MACC1: variants seen among roughly 807,000 people sequenced by gnomAD.
MACC1 encodes the protein MET transcriptional regulator MACC1.
MACC1 carries 79 observed loss-of-function variants against 70.7 expected under a neutral mutation model. The ratio of observed to expected loss-of-function variants is 1.12; its 90% CI spans 0.93 to 1.35. The LOEUF is 1.35. MACC1 is among the 40% of genes most tolerant of loss of function. The pLI is 0.00. For missense variants in MACC1, 1,106 were observed against 978.1 expected (o/e 1.13, Z -1.74); for synonymous variants, 361 against 347.2 (o/e 1.04, Z -0.44).
At chr7:20,196,500 A>G (rs1470089449) in intron 1 of MACC1, among the ~76,000 whole-genome samples, 6 of 152,100 alleles carry the variant, frequency 3.9e-5, no homozygotes, top group Non-Finnish European at 2.9e-5. Context: ...TTTATTGACT[A>G]TATACTTTTG....
intron 2 of MACC1, among the ~76,000 whole-genome samples, chr7:20,166,412 T>A (rs1782219337): frequency 6.6e-6 from 1 of 152,204 alleles, no homozygotes; most frequent in African/African-American, 2.4e-5. Context: ...GGTATGATTT[T>A]ACTGGACATT....
rs201685287 is a variant in MACC1 at position 20,189,761 on chromosome 7, A to G, written c.-217-18983T>C. Reference sequence around the variant, plus strand: ...TACACAAACACATAAACACACACACACACACACACACACATACACAGAGAG... The same window carrying G: ...TACACAAACACATAAACACACACACGCACACACACACACATACACAGAGAG... On this transcript the variant is annotated intron_variant, in intron 1 of 6. Transcript: ENST00000400331. Among the ~76,000 whole-genome samples, 39 of 152,076 alleles carry G rather than the reference A, an allele frequency of 2.6e-4. No individual in the cohort carries two copies. The East Asian group carries it at 7.1e-3, about 28-fold the overall frequency.
chr7:20,200,158 T>C (rs902455721), intron 1 of MACC1, among the ~76,000 whole-genome samples: 1 of 151,948 alleles, frequency 6.6e-6, no homozygotes, highest in African/African-American at 2.4e-5. Context: ...TGTGTGGGAA[T>C]AACAGTTTTA....
At chr7:20,151,001 T>C (rs1781967618) in intron 6 of MACC1, among the ~76,000 whole-genome samples, 1 of 151,408 alleles carries the variant, frequency 6.6e-6, no homozygotes, top group African/African-American at 2.4e-5. Flanking sequence ...AGAGCTGAGA[T>C]TGTGCCATTG....
chr7:20,149,665 G>C (rs759603258), intron 6 of MACC1, among the ~76,000 whole-genome samples: 4 of 151,906 alleles, frequency 2.6e-5, no homozygotes, highest in African/African-American at 7.3e-5. Flanking sequence ...ACATCACCCA[G>C]TAATTAGTAA....
intron 2 of MACC1, among the ~76,000 whole-genome samples, chr7:20,164,663 G>A (rs1422224874): frequency 1.3e-5 from 2 of 152,096 alleles, no homozygotes; most frequent in Non-Finnish European, 2.9e-5. Context: ...CAAATTTCCT[G>A]GCAGACCTTC....
intron 2 of MACC1, among the ~76,000 whole-genome samples, chr7:20,165,502 T>G (rs1202281531): frequency 6.7e-6 from 1 of 149,248 alleles, no homozygotes; most frequent in Non-Finnish European, 1.5e-5. Context: ...AAATCTAAAT[T>G]TTTTTCTATG....
chr7:20,166,948 G>A (rs1583392569), intron 2 of MACC1, among the ~76,000 whole-genome samples: 1 of 152,202 alleles, frequency 6.6e-6, no homozygotes, highest in Non-Finnish European at 1.5e-5. Flanking sequence ...GCTTAGTGAT[G>A]TAGTCAAGGA....
At chr7:20,189,865 T>C (rs185138150) in intron 1 of MACC1, among the ~76,000 whole-genome samples, 6 of 152,050 alleles carry the variant, frequency 3.9e-5, no homozygotes, top group Admixed American at 1.3e-4. Flanking sequence ...CTGAAAGGCT[T>C]AAACATTTTT....
At chr7:20,178,897 G>A (rs56212419) in intron 1 of MACC1, among the ~76,000 whole-genome samples, 22,485 of 152,130 alleles carry the variant, frequency 0.15, 1,876 homozygotes, top group African/African-American at 0.21. Context: ...ATCATGCCCA[G>A]CCCAGATTTA....
rs553183863 is a variant in MACC1 at position 20,145,771 on chromosome 7, G to A, written c.2347-4613C>T. 5.3e-5 allele frequency among the ~76,000 whole-genome samples: 8 copies of A among 152,238 alleles called. No individual in the cohort carries two copies. In the South Asian group the frequency reaches 6.2e-4, roughly 12 times the overall value. On this transcript the variant is annotated intron_variant, in intron 6 of 6. Transcript: ENST00000400331. The stretch of plus-strand genomic sequence containing the variant: ...AGAGGGGCAAGTATCATGAGAAATC[G>A]AGAAGGAATGAGAACAAAAGCATAT...
chr7:20,158,484 G>C lies in MACC1; in HGVS notation c.1877C>G (p.Ser626Ter). 1.2e-6 allele frequency: 2 copies of C among 1,613,968 alleles called. No individual in the cohort carries two copies. Among genetic ancestry groups the C allele is most frequent in the South Asian group, 2.2e-5 (2 of 91,078 alleles). ...ATTTCTGGTTGTAAAGACACTATCT[G>C]ACATAAACATTACTTGCTCCTTTGA... is the stretch of plus-strand genomic sequence containing the variant. Reference protein sequence around the residue: ...VISKEQVMFMSDSVFTTRNLL... With the variant: ...VISKEQVMFM The change falls in exon 5 of 7, where the codon TCA becomes TGA. Residue 626 changes from serine to a stop codon, truncating the protein, a stop_gained. Transcript: ENST00000400331. LOFTEE classifies it high-confidence loss of function.
intron 6 of MACC1, among the ~76,000 whole-genome samples, chr7:20,145,223 C>T (rs1400596796): frequency 6.6e-6 from 1 of 152,156 alleles, no homozygotes; most frequent in Admixed American, 6.5e-5. Flanking sequence ...ACCTCCACTG[C>T]TACCTGTAAC....
At chr7:20,201,100 G>A (rs1391978924) in intron 1 of MACC1, among the ~76,000 whole-genome samples, 1 of 152,144 alleles carries the variant, frequency 6.6e-6, no homozygotes, top group East Asian at 1.9e-4. Context: ...TCAAATTTAA[G>A]TGAATCTCAT....
intron 1 of MACC1, among the ~76,000 whole-genome samples, chr7:20,200,061 A>G (rs1407910520): frequency 7.9e-6 from 1 of 126,660 alleles, no homozygotes; most frequent in Non-Finnish European, 1.9e-5. Context: ...GTATGTATAT[A>G]TACATACATA....
At chr7:20,195,508 T>C (rs1782737160) in intron 1 of MACC1, among the ~76,000 whole-genome samples, 1 of 152,258 alleles carries the variant, frequency 6.6e-6, no homozygotes, top group African/African-American at 2.4e-5. Flanking sequence ...AAGGGGGTCC[T>C]GACACATGCG....
At chr7:20,183,178 T>C (rs1782536008) in intron 1 of MACC1, among the ~76,000 whole-genome samples, 3 of 152,188 alleles carry the variant, frequency 2.0e-5, no homozygotes, top group Admixed American at 2.0e-4. Context: ...CAGAATCTTC[T>C]CTAGCTCGTT....
At chr7:20,180,962 A>G (rs1413215316) in intron 1 of MACC1, among the ~76,000 whole-genome samples, 2 of 152,202 alleles carry the variant, frequency 1.3e-5, no homozygotes, top group African/African-American at 4.8e-5. Context: ...ACAAAATCAC[A>G]GAAGAATATA....
chr7:20,152,508 C>T (rs973327090), intron 6 of MACC1, among the ~76,000 whole-genome samples: 2 of 152,102 alleles, frequency 1.3e-5, no homozygotes, highest in Admixed American at 6.5e-5. Flanking sequence ...TTTGGAATGA[C>T]CTCAGGCCAA....
Sources: allele counts gnomAD v4.1 joint callset (sites outside exome capture counted in the v4.1 genomes callset), GRCh38; gene constraint gnomAD v4.1.1; transcripts MANE v1.5; gene names NCBI Gene and HGNC (gene_info 2026-07-23, HGNC 2026-07-21).